Variants in CCNL2 observed in about 807,000 individuals in gnomAD.
CCNL2 encodes cyclin-L2.
Under a neutral mutation model 59.1 loss-of-function variants are expected in CCNL2, and 28 were observed. The observed-to-expected ratio is 0.47, with a 90% CI of 0.35 to 0.65. The LOEUF is 0.65. Among genes scored for constraint, CCNL2 ranks in the 30% least tolerant of loss-of-function variants. The pLI is 0.00. For missense variants in CCNL2, 714 were observed against 717.4 expected (o/e 1.00, Z 0.05); for synonymous variants, 342 against 288.6 (o/e 1.19, Z -1.88).
At chr1:1,398,442 C>G (rs1291301032) in intron 2 of CCNL2, 100 bp from the exon 3 acceptor site, 2 of 1,576,712 alleles carry the variant, frequency 1.3e-6, no homozygotes, top group Non-Finnish European at 1.7e-6. Context: ...AAGGGAGGTG[C>G]ACCCAGGGGA....
At position 1,386,929 on chromosome 1, in the gene CCNL2, G is replaced by T; in HGVS notation, c.*302C>A. The T allele has an allele frequency of 2.9e-6, 1 of 344,160 alleles. No homozygotes were observed. Among genetic ancestry groups the T allele is most frequent in the East Asian group, 4.6e-5 (1 of 21,860 alleles). The allele number at this position is 344,160 out of a possible 1,614,324, so 21.3% of individuals were successfully genotyped here. ...AGGCCATGCCAGGCCACGCCAACAAGGGCGTGTGCATTCACTTTTTCATTG... is the reference window on the plus strand; with the variant it reads ...AGGCCATGCCAGGCCACGCCAACAATGGCGTGTGCATTCACTTTTTCATTG... On this transcript the variant is annotated 3_prime_UTR_variant, in exon 11 of 11. Transcript: ENST00000400809.
Position 1,395,527 on chromosome 1 carries a change from G to T in CCNL2, c.474-13C>A, listed in dbSNP as rs1264253076. The T allele has an allele frequency of 6.2e-7, 1 of 1,613,892 alleles. No homozygotes were observed. Among genetic ancestry groups the T allele is most frequent in the Non-Finnish European group, 8.5e-7 (1 of 1,180,022 alleles). On this transcript the variant is annotated splice_polypyrimidine_tract_variant and intron_variant, in intron 3 of 10. Coordinates refer to ENST00000400809, the MANE Select transcript of CCNL2 (RefSeq NM_030937.6). Reference sequence around the variant, plus strand: ...AGGCACGGGCTTCCTGCCAGAGAGAGAGCACAGGGTCTGCACCACAGTCAA... The same window carrying T: ...AGGCACGGGCTTCCTGCCAGAGAGATAGCACAGGGTCTGCACCACAGTCAA...
intron 5 of CCNL2, chr1:1,392,458 T>G: frequency 8.3e-7 from 1 of 1,212,026 alleles, no homozygotes. Flanking sequence ...ACAGCCAATT[T>G]GTCTCTTCAA....
chr1:1,387,461 C>A lies in CCNL2; in HGVS notation c.1333G>T (p.Gly445Cys). 1 of 1,612,876 alleles carries A rather than the reference C, an allele frequency of 6.2e-7. No individual in the cohort carries two copies. The highest frequency in any genetic ancestry group is 8.5e-7 in the Non-Finnish European group (1 of 1,179,750). Reference sequence around the variant, plus strand: ...TTGCAGTCCTTGGACTTCCGGGAGCCCCGAATCTCAGAGCCTTTGTAGGGA... The same window carrying A: ...TTGCAGTCCTTGGACTTCCGGGAGCACCGAATCTCAGAGCCTTTGTAGGGA... ...SAPYKGSEIRGSRKSKDCKYP... is the reference protein window; with the variant it reads ...SAPYKGSEIRCSRKSKDCKYP... Residue 445 changes from glycine to cysteine, a missense_variant, in exon 11 of 11, where the codon GGC (glycine) becomes TGC (cysteine). By Grantham distance (159) the Gly-to-Cys change is radical (BLOSUM62 -3). Transcript: ENST00000400809.
chr1:1,387,051 G>C lies in CCNL2; in HGVS notation c.*180C>G. On this transcript the variant is annotated 3_prime_UTR_variant, in exon 11 of 11. Coordinates refer to ENST00000400809, the MANE Select transcript of CCNL2 (RefSeq NM_030937.6). ...TGAAGCACGTGTCACCGGTCCCTCA[G>C]TTCCATTTCCAAATCCACCAAGGTC... is the stretch of plus-strand genomic sequence containing the variant. The C allele has an allele frequency of 1.7e-6, 1 of 584,144 alleles. No homozygotes were observed. The highest frequency in any genetic ancestry group is 2.4e-5 in the South Asian group (1 of 41,938). The allele number at this position is 584,144 out of a possible 1,614,324, so 36.2% of individuals were successfully genotyped here.
intron 5 of CCNL2, chr1:1,392,441 C>G: frequency 8.4e-7 from 1 of 1,187,528 alleles, no homozygotes; most frequent in Non-Finnish European, 1.0e-6. Context: ...CATAACCCCA[C>G]ACTGACACAG....
At chr1:1,391,208 G>C (rs990999313) in intron 5 of CCNL2, 2 of 1,112,978 alleles carry the variant, frequency 1.8e-6, no homozygotes, top group African/African-American at 1.6e-5. Flanking sequence ...CGATGCCTCA[G>C]AAAGAAAATG....
In CCNL2 at chr1:1,390,327, G is replaced by T. The variant is rs145603397; in HGVS notation, c.909C>A (p.His303Gln). Residue 303 changes from histidine (H) to glutamine (Q), a missense_variant, in exon 8 of 11, where the codon CAC becomes CAA. By Grantham distance (24) the His-to-Gln change is conservative (BLOSUM62 0). This residue lies in a region of CCNL2 where 403 missense variants were observed against 377.7 expected (regional missense o/e 1.07). Transcript: ENST00000400809. ...HLEGEVEKRKHAIEEAKAQAR... is the reference protein window; with the variant it reads ...HLEGEVEKRKQAIEEAKAQAR... ...CTTGGGCCTTTGCCTCTTCGATAGC[G>T]TGCTTTCTTTTTTCCACTTCACCCT... 3 of 1,613,900 alleles carry T rather than the reference G, an allele frequency of 1.9e-6. No individual in the cohort carries two copies. Among genetic ancestry groups the T allele is most frequent in the South Asian group, 1.1e-5 (1 of 91,082 alleles).
rs1309836052 is a variant in CCNL2, at chr1:1,398,349, CG to C, written c.364-8del. ...CACAGGCCATTGACACATGCTGAAGCGGAAGCATTGCAACACGCCCATGTTT... is the reference window on the plus strand; with the variant it reads ...CACAGGCCATTGACACATGCTGAAGCGAAGCATTGCAACACGCCCATGTTT... On this transcript the variant is annotated splice_region_variant and splice_polypyrimidine_tract_variant and intron_variant, in intron 2 of 10. Transcript: ENST00000400809. 1.2e-6 allele frequency: 2 copies of C among 1,613,892 alleles called. No individual in the cohort carries two copies. The highest frequency in any genetic ancestry group is 2.7e-5 in the African/African-American group (2 of 74,906).
At chr1:1,396,561 C>A (rs1158267440) in intron 3 of CCNL2, among the ~76,000 whole-genome samples, 2 of 137,300 alleles carry the variant, frequency 1.5e-5, no homozygotes, top group African/African-American at 5.5e-5. Flanking sequence ...CCACTGCGCT[C>A]GGCAAGGCTG....
At chr1:1,398,842 C>G in intron 1 of CCNL2, 171 bp from the exon 2 acceptor site, 1 of 1,243,416 alleles carries the variant, frequency 8.0e-7, no homozygotes, top group Non-Finnish European at 1.1e-6. Context: ...CACTGGCGGG[C>G]GGGGAGGCCC....
At chr1:1,392,643 C>A in intron 5 of CCNL2, 1 of 1,482,898 alleles carries the variant, frequency 6.7e-7, no homozygotes, top group Non-Finnish European at 8.9e-7. Flanking sequence ...CAGAGAACCA[C>A]AGCAGGAGTC....
In CCNL2 at chr1:1,399,163, G is replaced by C; in HGVS notation, c.144C>G (p.Thr48=). The C allele has an allele frequency of 6.2e-7, 1 of 1,612,048 alleles. No individual in the cohort carries two copies. Among genetic ancestry groups the C allele is most frequent in the Non-Finnish European group, 8.5e-7 (1 of 1,179,438 alleles). Residue 48 remains threonine, a synonymous_variant, in exon 1 of 11, where the codon ACC becomes ACG. Coordinates refer to ENST00000400809, the MANE Select transcript of CCNL2 (RefSeq NM_030937.6). ...CGTCAGGCAGGAGGCAGTTCTCCAAGGTGATGAGCACCCCGGAGTACAGCC... is the reference window on the plus strand; with the variant it reads ...CGTCAGGCAGGAGGCAGTTCTCCAACGTGATGAGCACCCCGGAGTACAGCC... ...GDRLYSGVLI[T]LENCLLPDDK... is the part of the protein sequence containing the mutation.
intron 4 of CCNL2, 135 bp from the exon 5 acceptor site, chr1:1,393,595 C>T (rs879294828): frequency 9.3e-5 from 69 of 745,652 alleles, no homozygotes; most frequent in Non-Finnish European, 1.3e-4. Context: ...GTCTGGCGGA[C>T]GGCTCAGCTG....
At chr1:1,392,595 C>A in intron 5 of CCNL2, 1 of 1,429,902 alleles carries the variant, frequency 7.0e-7, no homozygotes, top group Non-Finnish European at 9.1e-7. Context: ...AATACGATTA[C>A]CAAAGCACGA....
Position 1,395,225 on chromosome 1 carries a change from A to G in CCNL2, c.594+169T>C, listed in dbSNP as rs1031523606. The G allele has an allele frequency of 6.7e-6, 4 of 599,954 alleles. No homozygotes were observed. The African/African-American group carries it at 7.3e-5, about 11-fold the overall frequency. 37.2% of individuals were successfully genotyped at this position (599,954 alleles called of 1,614,324 possible). ...ACTAAAATAAACAGCTGACACTAGA[A>G]GACGAATACGTCAGGAACTATTCTT... On this transcript the variant is annotated intron_variant, in intron 4 of 10. Coordinates refer to ENST00000400809, the MANE Select transcript of CCNL2 (RefSeq NM_030937.6).
chr1:1,397,026 C>T (rs903609784), intron 3 of CCNL2, among the ~76,000 whole-genome samples: 8 of 152,150 alleles, frequency 5.3e-5, no homozygotes, highest in African/African-American at 1.2e-4. Context: ...GGATTACAGG[C>T]GTGAGCCACT....
Position 1,397,901 on chromosome 1 carries a change from G to C in CCNL2, c.473+332C>G, listed in dbSNP as rs183079270. On this transcript the variant is annotated intron_variant, in intron 3 of 10. Coordinates refer to ENST00000400809, the MANE Select transcript of CCNL2 (RefSeq NM_030937.6). ...ATTATCCAGCCTGAATGTCAATAGTGCTGAGATTAAGATTCCCTGCTCCAG... is the reference window on the plus strand; with the variant it reads ...ATTATCCAGCCTGAATGTCAATAGTCCTGAGATTAAGATTCCCTGCTCCAG... Among the ~76,000 whole-genome samples, 15 of 152,286 alleles carry C rather than the reference G, an allele frequency of 9.8e-5. No individual in the cohort carries two copies. In the East Asian group the frequency reaches 2.7e-3, roughly 27 times the overall value.
At position 1,391,239 on chromosome 1, in the gene CCNL2, G is replaced by A. The variant is rs541083088; in HGVS notation, c.660-374C>T. ...AAATGTCTACTGGAGTCACTAAAAC[G>A]CTTTTGATTAAAGAAATCTAAATGC... On this transcript the variant is annotated intron_variant, in intron 5 of 10. Coordinates refer to ENST00000400809, the MANE Select transcript of CCNL2 (RefSeq NM_030937.6). 11 of 1,100,982 alleles carry A rather than the reference G, an allele frequency of 1.0e-5. No individual in the cohort carries two copies. In the East Asian group the frequency reaches 2.2e-4, roughly 22 times the overall value. 68.2% of individuals were successfully genotyped at this position (1,100,982 alleles called of 1,614,324 possible).
Sources: gnomAD v4.1 joint callset for allele counts (sites outside exome capture counted in the v4.1 genomes callset) on GRCh38, gnomAD v4.1.1 for gene constraint, gnomAD v4.1.1 regional missense constraint, MANE v1.5 for transcripts, NCBI Gene and HGNC (gene_info 2026-07-23, HGNC 2026-07-21) for gene names.